The following NID1 variants were observed in gnomAD, a reference collection of about 807,000 sequenced individuals.
NID1 encodes the protein nidogen 1.
Under a neutral mutation model 130.6 loss-of-function variants are expected in NID1, and 76 were observed. That is an observed-to-expected ratio of 0.58 (90% CI 0.48 to 0.70). NID1 has a LOEUF of 0.70. Among genes scored for constraint, NID1 ranks in the 30% least tolerant of loss-of-function variants. The probability of loss-of-function intolerance (pLI) is 0.00; values close to 1 mark genes in which losing one functional copy is unlikely to be tolerated. For synonymous variants in NID1, 665 were observed against 675.1 expected, an observed-to-expected ratio of 0.98 and a Z score of 0.23; for missense variants, 1,517 against 1,664.8, an observed-to-expected ratio of 0.91 and a Z score of 1.54.
At chr1:236,012,558 C>CAAAAAA (rs56183830) in intron 11 of NID1, among the ~76,000 whole-genome samples, 21 of 98,006 alleles carry the variant, frequency 2.1e-4, no homozygotes, top group East Asian at 5.3e-4. Flanking sequence ...AATGCCATCT[C>CAAAAAA]AAAAAAAAAA....
At chr1:236,021,490 G>A (rs1241045298) in intron 9 of NID1, among the ~76,000 whole-genome samples, 1 of 152,130 alleles carries the variant, frequency 6.6e-6, no homozygotes, top group Non-Finnish European at 1.5e-5. Flanking sequence ...CCAACACCGC[G>A]AGGCCCTGAC....
intron 9 of NID1, among the ~76,000 whole-genome samples, chr1:236,020,848 C>T (rs1439803688): frequency 2.6e-5 from 4 of 152,210 alleles, no homozygotes; most frequent in Admixed American, 2.6e-4. Context: ...AGAACAACCA[C>T]TCACCACAGG....
rs747156477 is a variant in NID1, at chr1:235,993,911, G to A, written c.2528-39C>T. Reference sequence around the variant, plus strand: ...AGGCAACAAGAAAGCTGTCAGGTGCGTCATCCGTCAGCGCTCCCTGGCGGG... The same window carrying A: ...AGGCAACAAGAAAGCTGTCAGGTGCATCATCCGTCAGCGCTCCCTGGCGGG... On this transcript the variant is annotated intron_variant, in intron 12 of 19. Transcript: ENST00000264187. 1.6e-5 allele frequency: 25 copies of A among 1,575,482 alleles called. No homozygotes were observed. The South Asian group carries it at 2.5e-4, about 16-fold the overall frequency.
intron 12 of NID1, among the ~76,000 whole-genome samples, chr1:236,004,993 G>A (rs571054510): frequency 2.6e-4 from 40 of 151,956 alleles, no homozygotes; most frequent in African/African-American, 7.7e-4. Flanking sequence ...TGGCCAACAC[G>A]GTGAAACCCC....
chr1:235,993,631 C>G lies in NID1; in HGVS notation c.2755+14G>C, dbSNP rs1657828398. 2 of 1,523,240 alleles carry G rather than the reference C, an allele frequency of 1.3e-6. No individual in the cohort carries two copies. Among genetic ancestry groups the G allele is most frequent in the Non-Finnish European group, 1.8e-6 (2 of 1,128,206 alleles). The allele number at this position is 1,523,240 out of a possible 1,614,324, so 94.4% of individuals were successfully genotyped here. On this transcript the variant is annotated intron_variant, in intron 13 of 19. Coordinates refer to ENST00000264187, the MANE Select transcript of NID1 (RefSeq NM_002508.3). ...TCTCAGGCACACGCCCAAGCACGGC[C>G]TGCACCCACTTACACGGGGGCGTCA...
intron 5 of NID1, 28 bp from the exon 6 acceptor site, chr1:236,032,680 A>G: frequency 6.2e-7 from 1 of 1,612,116 alleles, no homozygotes; most frequent in East Asian, 2.2e-5. Context: ...GAAAGAATAT[A>G]GAGATCACTT....
At chr1:236,036,951 C>T (rs1659278314) in intron 5 of NID1, among the ~76,000 whole-genome samples, 2 of 152,306 alleles carry the variant, frequency 1.3e-5, no homozygotes, top group South Asian at 2.1e-4. Context: ...AGAAAAGTGA[C>T]TAAGACCGCA....
At chr1:236,055,513 G>A (rs1659875593) in intron 1 of NID1, among the ~76,000 whole-genome samples, 1 of 151,988 alleles carries the variant, frequency 6.6e-6, no homozygotes, top group Non-Finnish European at 1.5e-5. Context: ...CAGGTCTGGT[G>A]CAGTGGCTAA....
Position 235,977,908 on chromosome 1 carries a change from G to A in NID1, c.3703C>T (p.Pro1235Ser). 3 of 1,614,184 alleles carry A rather than the reference G, an allele frequency of 1.9e-6. No homozygotes were observed. The highest frequency in any genetic ancestry group is 2.5e-6 in the Non-Finnish European group (3 of 1,180,014). Residue 1235 changes from proline to serine, a missense_variant, in exon 20 of 20, where the codon CCT becomes TCT. Physicochemically the swap from Pro to Ser is moderately conservative, Grantham distance 74. Transcript: ENST00000264187. ...ATPGSRTCRC[P>S]DNTLGVDCIE... Reference sequence around the variant, plus strand: ...CAGTCAACTCCCAAGGTGTTGTCAGGGCAACGGCAGGTCCTGCTCCCTGGG... The same window carrying A: ...CAGTCAACTCCCAAGGTGTTGTCAGAGCAACGGCAGGTCCTGCTCCCTGGG...
chr1:236,016,775 C>T (rs1658604889), intron 10 of NID1, among the ~76,000 whole-genome samples: 1 of 152,108 alleles, frequency 6.6e-6, no homozygotes, highest in Non-Finnish European at 1.5e-5. Flanking sequence ...TCCAAAAGTA[C>T]CTATAAGGTG....
At chr1:236,023,367 A>G (rs1305551681) in intron 9 of NID1, among the ~76,000 whole-genome samples, 1 of 152,268 alleles carries the variant, frequency 6.6e-6, no homozygotes, top group African/African-American at 2.4e-5. Flanking sequence ...CCAATCACAG[A>G]AGAACAAATA....
At chr1:236,014,747 A>G (rs1658533118) in intron 10 of NID1, among the ~76,000 whole-genome samples, 1 of 152,110 alleles carries the variant, frequency 6.6e-6, no homozygotes, top group South Asian at 2.1e-4. Context: ...GCCCTGCACC[A>G]AGATGCCTAG....
chr1:236,002,722 A>C (rs1036564388), intron 12 of NID1, among the ~76,000 whole-genome samples: 1 of 152,148 alleles, frequency 6.6e-6, no homozygotes, highest in Non-Finnish European at 1.5e-5. Context: ...GAGGACTTCA[A>C]GAAAAAGAAG....
intron 14 of NID1, among the ~76,000 whole-genome samples, chr1:235,990,286 T>G (rs1657694719): frequency 6.6e-6 from 1 of 152,174 alleles, no homozygotes; most frequent in Non-Finnish European, 1.5e-5. Flanking sequence ...AGTAGCATCT[T>G]TACCAAGAAT....
chr1:236,051,695 C>T (rs1469171816), intron 1 of NID1, among the ~76,000 whole-genome samples: 1 of 152,216 alleles, frequency 6.6e-6, no homozygotes, highest in African/African-American at 2.4e-5. Context: ...TCCCAGGGAG[C>T]TGCCGTGTGG....
rs186040295 is a variant in NID1, at chr1:236,015,929, C to T, written c.2254+1219G>A. Among the ~76,000 whole-genome samples the T allele has an allele frequency of 5.9e-5, 9 of 152,216 alleles. 1 individual carries two copies. The East Asian group carries it at 1.7e-3, about 29-fold the overall frequency. ...CAGTGAGTGTGGACATCAGGAATGA[C>T]TGGATCCAGAAACCCAGGTCACCAT... is the stretch of plus-strand genomic sequence containing the variant. On this transcript the variant is annotated intron_variant, in intron 10 of 19. Transcript: ENST00000264187.
At chr1:235,984,528 C>A (rs1283175041) in intron 15 of NID1, among the ~76,000 whole-genome samples, 1 of 152,130 alleles carries the variant, frequency 6.6e-6, no homozygotes. Flanking sequence ...AAAAGAAATA[C>A]AAAATGAGGC....
intron 3 of NID1, among the ~76,000 whole-genome samples, chr1:236,043,658 C>T (rs1256773475): frequency 5.9e-5 from 9 of 151,918 alleles, no homozygotes; most frequent in African/African-American, 1.5e-4. Context: ...ATTAGCTGGG[C>T]GTGGTGGTGG....
At chr1:236,037,748 T>C (rs1167699300) in intron 5 of NID1, among the ~76,000 whole-genome samples, 1 of 151,372 alleles carries the variant, frequency 6.6e-6, no homozygotes, top group East Asian at 1.9e-4. Flanking sequence ...TTCAAAGAAG[T>C]GAAGGAAAGT....
Sources: gnomAD v4.1 joint callset for allele counts (sites outside exome capture counted in the v4.1 genomes callset) on GRCh38, gnomAD v4.1.1 for gene constraint, MANE v1.5 for transcripts, NCBI Gene and HGNC (gene_info 2026-07-23, HGNC 2026-07-21) for gene names.